ANTXRL: variants seen among roughly 807,000 people sequenced by gnomAD.
The protein encoded by ANTXRL is ANTXR like, also known as anthrax toxin receptor-like.
In ANTXRL, 63 loss-of-function variants were observed where a neutral mutation model predicts 75.4. The ratio of observed to expected loss-of-function variants is 0.84; its 90% CI spans 0.68 to 1.03. The LOEUF (loss-of-function observed/expected upper bound fraction) is 1.03, where lower values mean the gene tolerates loss of function less well. ANTXRL is among the 50% of genes least tolerant of loss of function. ANTXRL has a pLI of 0.00. For synonymous variants in ANTXRL, 335 were observed against 291.3 expected, an observed-to-expected ratio of 1.15 and a Z score of -1.53; for missense variants, 797 against 789.4, an observed-to-expected ratio of 1.01 and a Z score of -0.12.
At position 46,311,534 on chromosome 10, in the gene ANTXRL, T is replaced by TCACCAC. The variant is rs1838421014; in HGVS notation, c.1206_1211dup (p.Pro410_Pro411dup). ...GGAGCCAGAGCAGGAAAAACCACCA[T>TCACCAC]CACCACCACCACCGCCTCCGCCTCC... On this transcript the variant is annotated inframe_insertion, in exon 15 of 17. Coordinates refer to ENST00000620264, the MANE Select transcript of ANTXRL (RefSeq NM_001278688.3). 6.5e-7 allele frequency: 1 copy of TCACCAC among 1,533,716 alleles called. No individual in the cohort carries two copies. The highest frequency in any genetic ancestry group is 1.2e-5 in the South Asian group (1 of 83,704).
chr10:46,314,398 G>A (rs1838605766), intron 16 of ANTXRL, among the ~76,000 whole-genome samples: 1 of 152,050 alleles, frequency 6.6e-6, no homozygotes, highest in Admixed American at 6.6e-5. Context: ...GCCCAGTTCC[G>A]GTCACATGGC....
At chr10:46,306,541 T>TTTTTTTGTTTTTTA (rs1565033830) in intron 10 of ANTXRL, among the ~76,000 whole-genome samples, 4 of 151,976 alleles carry the variant, frequency 2.6e-5, no homozygotes, top group African/African-American at 9.7e-5. Context: ...TCCTGTTTTT[T>TTTTTTTGTTTTTTA]ATTTTGTTTT....
chr10:46,311,770 G>T (rs1243764872), intron 15 of ANTXRL, 105 bp downstream of exon 15: 11 of 590,710 alleles, frequency 1.9e-5, no homozygotes, highest in Non-Finnish European at 3.0e-5. Context: ...AGGAAGGCAG[G>T]CTCTACAGGG....
chr10:46,313,874 G>A (rs1236842239), intron 16 of ANTXRL, among the ~76,000 whole-genome samples: 2 of 152,150 alleles, frequency 1.3e-5, no homozygotes, highest in African/African-American at 2.4e-5. Flanking sequence ...TAAAGCCCAC[G>A]AGTGATAGGG....
chr10:46,307,501 G>C (rs1371201513), intron 12 of ANTXRL, 21 bp downstream of exon 12: 3 of 1,527,676 alleles, frequency 2.0e-6, no homozygotes, highest in Non-Finnish European at 2.6e-6. Context: ...GCATGGGGCT[G>C]CAAACATGTA....
At chr10:46,306,944 A>G in intron 11 of ANTXRL, 72 bp downstream of exon 11, 1 of 1,263,476 alleles carries the variant, frequency 7.9e-7, no homozygotes, top group Non-Finnish European at 1.1e-6. Context: ...GAGGTGTACA[A>G]AATGTGGATG....
At chr10:46,308,096 G>A (rs1451500883) in intron 12 of ANTXRL, among the ~76,000 whole-genome samples, 2 of 152,166 alleles carry the variant, frequency 1.3e-5, no homozygotes, top group Non-Finnish European at 1.5e-5. Flanking sequence ...AGGAGGATGT[G>A]CTGGAGGGAC....
At chr10:46,304,430 T>C (rs1265738237) in intron 10 of ANTXRL, among the ~76,000 whole-genome samples, 10 of 152,102 alleles carry the variant, frequency 6.6e-5, no homozygotes, top group African/African-American at 2.4e-4. Context: ...CCATTACTCT[T>C]GCCTAAAAAG....
chr10:46,310,054 C>G (rs1356026339), intron 13 of ANTXRL, among the ~76,000 whole-genome samples: 2 of 152,120 alleles, frequency 1.3e-5, no homozygotes, highest in Non-Finnish European at 2.9e-5. Flanking sequence ...GGGGAGGAAG[C>G]CCGGGACTCA....
At chr10:46,308,429 T>TCCACTCCCCTCCCCTCCC (rs2132791367) in intron 12 of ANTXRL, 1 of 89,970 alleles carries the variant, frequency 1.1e-5, no homozygotes, top group Non-Finnish European at 2.3e-5. Flanking sequence ...CCTCCCCTCC[T>TCCACTCCCCTCCCCTCCC]CTCCACTCCC....
chr10:46,293,523 CTCTGTGTGTGCA>C (rs1837170814), intron 2 of ANTXRL, among the ~76,000 whole-genome samples: 1 of 37,216 alleles, frequency 2.7e-5, no homozygotes, highest in African/African-American at 8.3e-5. Flanking sequence ...GTGTGTGTGC[CTCTGTGTGTGCA>C]TGTGTGTGCA....
chr10:46,302,160 C>T (rs542809029), intron 9 of ANTXRL, among the ~76,000 whole-genome samples: 7 of 152,262 alleles, frequency 4.6e-5, no homozygotes, highest in Non-Finnish European at 7.4e-5. Context: ...CTAGGTGGCT[C>T]GCCTGCCCCA....
At chr10:46,294,742 C>T (rs200374740) in intron 3 of ANTXRL, among the ~76,000 whole-genome samples, 2 of 142,620 alleles carry the variant, frequency 1.4e-5, no homozygotes, top group East Asian at 2.0e-4. Context: ...GTGACCCAGA[C>T]GGGGAGCGGG....
intron 16 of ANTXRL, among the ~76,000 whole-genome samples, chr10:46,324,626 A>C (rs76889246): frequency 0.015 from 2,294 of 152,252 alleles, 59 homozygotes; most frequent in African/African-American, 0.053. Flanking sequence ...AATTTAGGAA[A>C]GACTTAGAAT....
intron 3 of ANTXRL, among the ~76,000 whole-genome samples, chr10:46,295,368 A>ATTAGAG (rs1398764088): frequency 6.6e-6 from 1 of 152,078 alleles, no homozygotes; most frequent in Admixed American, 6.6e-5. Flanking sequence ...TAGAATTTGG[A>ATTAGAG]TTAGAGTTAG....
At chr10:46,307,675 G>C (rs189835005) in intron 12 of ANTXRL, among the ~76,000 whole-genome samples, 195 bp downstream of exon 12, 284 of 152,294 alleles carry the variant, frequency 1.9e-3, no homozygotes, top group Middle Eastern at 6.8e-3. Context: ...CCAGGAGCCA[G>C]AGTCCAGCAC....
intron 16 of ANTXRL, among the ~76,000 whole-genome samples, chr10:46,324,521 G>A (rs949101217): frequency 9.2e-5 from 14 of 152,128 alleles, no homozygotes; most frequent in Admixed American, 9.2e-4. Flanking sequence ...TGTTAACAAG[G>A]ACTGGTACAT....
chr10:46,298,791 G>A (rs1239186239), intron 9 of ANTXRL, among the ~76,000 whole-genome samples: 1 of 151,172 alleles, frequency 6.6e-6, no homozygotes, highest in African/African-American at 2.4e-5. Context: ...GTGGTGTGTG[G>A]GTGTGTGTAC....
At chr10:46,295,624 G>GAGGAGTTAGAGTTAA (rs1565018961) in intron 3 of ANTXRL, among the ~76,000 whole-genome samples, 1 of 57,916 alleles carries the variant, frequency 1.7e-5, no homozygotes. Context: ...GTTAGAGTTA[G>GAGGAGTTAGAGTTAA]GAATGTCAAC....
Sources: allele counts gnomAD v4.1 joint callset (sites outside exome capture counted in the v4.1 genomes callset), GRCh38; gene constraint gnomAD v4.1.1; transcripts MANE v1.5; gene names NCBI Gene and HGNC (gene_info 2026-07-23, HGNC 2026-07-21).